Variants in ZNF559 observed in about 807,000 individuals in gnomAD.
ZNF559 encodes zinc finger protein 559.
A neutral mutation model predicts 14.2 loss-of-function variants in ZNF559; 17 were observed. The observed-to-expected ratio is 1.20, with a 90% CI of 0.82 to 1.80. The LOEUF is 1.80. Among genes scored for constraint, ZNF559 ranks in the 40% most tolerant of loss-of-function variants. ZNF559 has a pLI of 0.00. For missense variants in ZNF559, 740 were observed against 629.7 expected (o/e 1.18, Z -1.88); for synonymous variants, 244 against 212.4 (o/e 1.15, Z -1.29).
Position 9,338,680 on chromosome 19 carries a change from G to T in ZNF559, c.33+98G>T, listed in dbSNP as rs941124003. On this transcript the variant is annotated intron_variant, in intron 4 of 6. Transcript: ENST00000603380. ...GAACAGGGCCCCTGCAAGCAAAGAGGGTCTGCTTAGGGACCACATCTCTCA... is the reference window on the plus strand; with the variant it reads ...GAACAGGGCCCCTGCAAGCAAAGAGTGTCTGCTTAGGGACCACATCTCTCA... The T allele has an allele frequency of 6.8e-6, 6 of 886,110 alleles. No homozygotes were observed. The African/African-American group carries it at 1.0e-4, about 15-fold the overall frequency. The allele number at this position is 886,110 out of a possible 1,614,324, so 54.9% of individuals were successfully genotyped here. A position where few individuals can be genotyped will look rare whatever the true frequency, so the allele number is the denominator to read the frequency against.
At chr19:9,339,934 A>AT (rs545536064) in intron 5 of ZNF559, among the ~76,000 whole-genome samples, 2,240 of 86,420 alleles carry the variant, frequency 0.026, 47 homozygotes, top group South Asian at 0.081. Context: ...ACGCCTGGCT[A>AT]TTTTTTTTTT....
At chr19:9,327,730 G>T (rs1184332604) in intron 2 of ZNF559, among the ~76,000 whole-genome samples, 6 of 145,174 alleles carry the variant, frequency 4.1e-5, no homozygotes, top group African/African-American at 1.6e-4. Flanking sequence ...TTCTTTTTTG[G>T]AATGTCACAA....
At chr19:9,329,953 T>C (rs8102270) in intron 2 of ZNF559, among the ~76,000 whole-genome samples, 92,284 of 152,014 alleles carry the variant, frequency 0.61, 28,590 homozygotes, top group African/African-American at 0.72. Context: ...TGAGCCACCG[T>C]GCCCCACCTG....
rs186382300 is a variant in ZNF559 at position 9,329,845 on chromosome 19, G to T, written c.-120+5065G>T. 5.3e-5 allele frequency among the ~76,000 whole-genome samples: 8 copies of T among 152,220 alleles called. No individual in the cohort carries two copies. In the East Asian group the frequency reaches 1.5e-3, roughly 29 times the overall value. On this transcript the variant is annotated intron_variant, in intron 2 of 6. Coordinates refer to ENST00000603380, the MANE Select transcript of ZNF559 (RefSeq NM_032497.3). Reference sequence around the variant, plus strand: ...TGCCTGGCTAATTTTTGTATTTTTAGTAGAAACGGGGTTTCACCATATTGG... The same window carrying T: ...TGCCTGGCTAATTTTTGTATTTTTATTAGAAACGGGGTTTCACCATATTGG...
rs142024212 is a variant in ZNF559 at position 9,329,111 on chromosome 19, C to A, written c.-120+4331C>A. On this transcript the variant is annotated intron_variant, in intron 2 of 6. Transcript: ENST00000603380. ...TGGGGGTTTGAAGTTTTAAACTTTT[C>A]TTTATTATTCTTGTGCTTACCCAAT... Among the ~76,000 whole-genome samples the A allele has an allele frequency of 2.0e-3, 307 of 152,064 alleles. 1 individual carries two copies. The highest frequency in any genetic ancestry group is 7.1e-3 in the African/African-American group (294 of 41,468).
intron 2 of ZNF559, among the ~76,000 whole-genome samples, chr19:9,325,217 G>GGA (rs1398421455): frequency 6.6e-6 from 1 of 152,130 alleles, no homozygotes; most frequent in African/African-American, 2.4e-5. Context: ...GGCTGAGGCT[G>GGA]GAGGATCGCT....
chr19:9,336,298 A>G (rs1479441333), intron 2 of ZNF559, among the ~76,000 whole-genome samples: 1 of 152,134 alleles, frequency 6.6e-6, no homozygotes, highest in Non-Finnish European at 1.5e-5. Flanking sequence ...AATTGACATA[A>G]TACATATTTA....
rs1363996270 is a variant in ZNF559 at position 9,324,719 on chromosome 19, C to T, written c.-181C>T. ...GGAACAGCATCTCTGCCTTCCTGTT[C>T]ACGGTGACCTTCGCTTGGTGTCCTC... On this transcript the variant is annotated 5_prime_UTR_variant, in exon 2 of 7. Transcript: ENST00000603380. The T allele has an allele frequency of 3.9e-6, 6 of 1,534,238 alleles. No homozygotes were observed. Among genetic ancestry groups the T allele is most frequent in the Admixed American group, 2.0e-5 (1 of 50,846 alleles).
At chr19:9,338,444 T>G (rs956596956) in intron 3 of ZNF559, 50 bp from the exon 4 acceptor site, 1 of 1,413,918 alleles carries the variant, frequency 7.1e-7, no homozygotes, top group African/African-American at 1.4e-5. Context: ...CTTGTGAGTA[T>G]GGAAGCTATC....
At position 9,335,744 on chromosome 19, in the gene ZNF559, A is replaced by T. The variant is rs1022922270; in HGVS notation, c.-119-2052A>T. Among the ~76,000 whole-genome samples the T allele has an allele frequency of 1.6e-4, 25 of 152,192 alleles. 1 individual carries two copies. The highest frequency in any genetic ancestry group is 2.9e-5 in the Non-Finnish European group (2 of 68,032). The stretch of plus-strand genomic sequence containing the variant: ...GAGACGGGGTTTTACCATGTTGCCC[A>T]GGCTGGTCTCAAACTTGTGAGCTCA... On this transcript the variant is annotated intron_variant, in intron 2 of 6. Transcript: ENST00000603380.
intron 1 of ZNF559, 75 bp from the exon 2 acceptor site, chr19:9,324,620 C>A (rs1479322217): frequency 2.1e-5 from 10 of 476,154 alleles, no homozygotes; most frequent in Admixed American, 7.2e-5. Flanking sequence ...ATAGGGAGAC[C>A]CCCCCCCCCA....
chr19:9,339,460 C>A, intron 5 of ZNF559, 141 bp downstream of exon 5: 1 of 968,168 alleles, frequency 1.0e-6, no homozygotes, highest in Non-Finnish European at 1.5e-6. Flanking sequence ...ACCTTACTGC[C>A]TTGTGATTTT....
intron 2 of ZNF559, among the ~76,000 whole-genome samples, chr19:9,327,750 AT>A (rs35172240): frequency 0.61 from 92,545 of 151,630 alleles, 28,831 homozygotes; most frequent in African/African-American, 0.73. Context: ...ACTTATTCTA[AT>A]TTTTTTTTCT....
At chr19:9,339,423 A>G (rs1324350759) in intron 5 of ZNF559, 104 bp downstream of exon 5, 2 of 1,331,094 alleles carry the variant, frequency 1.5e-6, no homozygotes, top group African/African-American at 3.0e-5. Flanking sequence ...ATTGGTAAAC[A>G]GGCGAAACAT....
rs139994398 is a variant in ZNF559, at chr19:9,334,389, A to C, written c.-119-3407A>C. ...TGGATTTCAGATTTTCAGATTAGAGATATTCAACCTGTATTATGGAGTGCT... is the reference window on the plus strand; with the variant it reads ...TGGATTTCAGATTTTCAGATTAGAGCTATTCAACCTGTATTATGGAGTGCT... On this transcript the variant is annotated intron_variant, in intron 2 of 6. Transcript: ENST00000603380. Among the ~76,000 whole-genome samples the C allele has an allele frequency of 4.8e-4, 73 of 152,324 alleles. 1 individual carries two copies. Among genetic ancestry groups the C allele is most frequent in the African/African-American group, 1.7e-3 (69 of 41,564 alleles).
rs201367378 is a variant in ZNF559, at chr19:9,340,733, A to ATTTTTTTTTT, written c.161-362_161-353dup. ...AGGTGCATGCCACCTTGCCTGGCTA[A>ATTTTTTTTTT]TTTTTTTTTTTTTTTTGTATTTTAG... is the stretch of plus-strand genomic sequence containing the variant. On this transcript the variant is annotated intron_variant, in intron 5 of 6. Coordinates refer to ENST00000603380, the MANE Select transcript of ZNF559 (RefSeq NM_032497.3). 5.4e-3 allele frequency among the ~76,000 whole-genome samples: 670 copies of ATTTTTTTTTT among 124,592 alleles called. 18 individuals carry two copies. Among genetic ancestry groups the ATTTTTTTTTT allele is most frequent in the African/African-American group, 0.014 (455 of 31,814 alleles). The allele number at this position is 124,592 out of a possible 152,430, so 81.7% of individuals were successfully genotyped here.
upstream of ZNF559, chr19:9,324,104 G>A: frequency 1.3e-6 from 2 of 1,505,366 alleles, no homozygotes; most frequent in Non-Finnish European, 1.8e-6. Flanking sequence ...AGCAGCTGAT[G>A]GGCCCGGGAA....
rs1373520157 is a variant in ZNF559 at position 9,345,469 on chromosome 19, C to T, written c.*2401C>T. On this transcript the variant is annotated 3_prime_UTR_variant, in exon 7 of 7. Transcript: ENST00000603380. ...CATCCTTGCCAATTATTGGTATGGT[C>T]AGTCTTTTTTATTTTGACCATTTTA... The T allele has an allele frequency of 6.6e-6, 1 of 152,036 alleles. No individual in the cohort carries two copies. Among genetic ancestry groups the T allele is most frequent in the Non-Finnish European group, 1.5e-5 (1 of 67,998 alleles). 9.4% of individuals were successfully genotyped at this position (152,036 alleles called of 1,614,324 possible).
chr19:9,337,785 A>G lies in ZNF559; in HGVS notation c.-119-11A>G, dbSNP rs2067321638. The G allele has an allele frequency of 2.8e-6, 4 of 1,431,602 alleles. No individual in the cohort carries two copies. Among genetic ancestry groups the G allele is most frequent in the Non-Finnish European group, 3.6e-6 (4 of 1,095,928 alleles). 88.7% of individuals were successfully genotyped at this position (1,431,602 alleles called of 1,614,324 possible). ...TAGTGGCACTCACATGAACAACTTC[A>G]TCTTCTGCAGAGAGATGGCTAATGA... On this transcript the variant is annotated splice_polypyrimidine_tract_variant and intron_variant, in intron 2 of 6. Transcript: ENST00000603380.
Sources: gnomAD v4.1 joint callset for allele counts (sites outside exome capture counted in the v4.1 genomes callset) on GRCh38, gnomAD v4.1.1 for gene constraint, MANE v1.5 for transcripts, NCBI Gene and HGNC (gene_info 2026-07-23, HGNC 2026-07-21) for gene names.